Variants in DOK6 observed in about 807,000 individuals in gnomAD.
The protein encoded by DOK6 is docking protein 6.
A neutral mutation model predicts 44.0 loss-of-function variants in DOK6; 22 were observed. That is an observed-to-expected ratio of 0.50 (90% CI 0.36 to 0.71). The LOEUF (loss-of-function observed/expected upper bound fraction) is 0.71. Among genes scored for constraint, DOK6 ranks in the 30% least tolerant of loss-of-function variants. The pLI is 0.00. For missense variants in DOK6, 340 were observed against 416.4 expected (o/e 0.82, Z 1.60); for synonymous variants, 166 against 145.5 (o/e 1.14, Z -1.01).
At chr18:69,749,662 C>T (rs779003671) in intron 6 of DOK6, among the ~76,000 whole-genome samples, 30 of 151,962 alleles carry the variant, frequency 2.0e-4, no homozygotes, top group African/African-American at 5.6e-4. Context: ...ATGAGTTGGC[C>T]GGGTGCAGTG....
At chr18:69,474,088 A>C (rs1980192953) in intron 1 of DOK6, among the ~76,000 whole-genome samples, 2 of 152,186 alleles carry the variant, frequency 1.3e-5, no homozygotes, top group Admixed American at 1.3e-4. Flanking sequence ...ATGAAAATAC[A>C]TTGCAAAATA....
chr18:69,604,032 G>A (rs1403059466), intron 3 of DOK6, among the ~76,000 whole-genome samples: 1 of 152,050 alleles, frequency 6.6e-6, no homozygotes, highest in Non-Finnish European at 1.5e-5. Context: ...CATTGAAAAT[G>A]ACAAGTAGTG....
intron 1 of DOK6, among the ~76,000 whole-genome samples, chr18:69,543,832 CATT>C (rs1477297156): frequency 6.6e-6 from 1 of 151,272 alleles, no homozygotes; most frequent in African/African-American, 2.4e-5. Flanking sequence ...TAAGGGAAAA[CATT>C]ATAAAGCATG....
At chr18:69,496,448 C>T (rs1980892794) in intron 1 of DOK6, among the ~76,000 whole-genome samples, 2 of 152,262 alleles carry the variant, frequency 1.3e-5, no homozygotes, top group Admixed American at 1.3e-4. Flanking sequence ...GATGTGATGG[C>T]AGCCGTGGCT....
chr18:69,785,503 GA>G (rs532348977), intron 7 of DOK6, among the ~76,000 whole-genome samples: 2 of 152,238 alleles, frequency 1.3e-5, no homozygotes, highest in South Asian at 4.1e-4. Flanking sequence ...ATATTAACAT[GA>G]AAAATATCGA....
At chr18:69,498,115 A>G (rs1000863383) in intron 1 of DOK6, among the ~76,000 whole-genome samples, 8 of 152,178 alleles carry the variant, frequency 5.3e-5, no homozygotes, top group Non-Finnish European at 1.2e-4. Flanking sequence ...TAAAGAAAGA[A>G]TGTTAATCTT....
chr18:69,584,467 T>G (rs1276477883), intron 2 of DOK6, among the ~76,000 whole-genome samples: 1 of 152,064 alleles, frequency 6.6e-6, no homozygotes, highest in Non-Finnish European at 1.5e-5. Context: ...ACTTTTGTAT[T>G]TTTCAATAGT....
chr18:69,603,116 A>T (rs769968951), intron 3 of DOK6, among the ~76,000 whole-genome samples: 2 of 152,218 alleles, frequency 1.3e-5, no homozygotes, highest in Non-Finnish European at 2.9e-5. Context: ...AGCCTACCAC[A>T]TGTTCTTTTA....
chr18:69,838,905 C>G (rs1045784758), intron 7 of DOK6, among the ~76,000 whole-genome samples: 1 of 150,940 alleles, frequency 6.6e-6, no homozygotes, highest in African/African-American at 2.4e-5. Flanking sequence ...TCCCTAGCCC[C>G]TCCATTAGCT....
chr18:69,784,969 C>A (rs552762818), intron 7 of DOK6, among the ~76,000 whole-genome samples: 3 of 152,144 alleles, frequency 2.0e-5, no homozygotes, highest in Non-Finnish European at 4.4e-5. Flanking sequence ...ATAAACACTA[C>A]GGCAACACTT....
chr18:69,435,905 T>G (rs1008816261), intron 1 of DOK6, among the ~76,000 whole-genome samples: 6 of 152,202 alleles, frequency 3.9e-5, no homozygotes, highest in Admixed American at 3.3e-4. Flanking sequence ...AAAGATACTA[T>G]TTAATATAAT....
chr18:69,427,998 G>A (rs892258046), intron 1 of DOK6, among the ~76,000 whole-genome samples: 4 of 151,914 alleles, frequency 2.6e-5, no homozygotes, highest in Non-Finnish European at 5.9e-5. Context: ...GGCTGGTCTC[G>A]AACTCCTGTC....
chr18:69,501,198 G>A (rs1353726653), intron 1 of DOK6, among the ~76,000 whole-genome samples: 2 of 151,992 alleles, frequency 1.3e-5, no homozygotes, highest in African/African-American at 2.4e-5. Context: ...CTTATTTTAT[G>A]GTAGAGTTTT....
At chr18:69,622,285 T>G (rs1984460483) in intron 3 of DOK6, among the ~76,000 whole-genome samples, 1 of 152,204 alleles carries the variant, frequency 6.6e-6, no homozygotes, top group South Asian at 2.1e-4. Context: ...TATATGTAAG[T>G]TCACAGTTTG....
chr18:69,822,179 G>C (rs532375928), intron 7 of DOK6, among the ~76,000 whole-genome samples: 28 of 152,248 alleles, frequency 1.8e-4, no homozygotes, highest in African/African-American at 6.7e-4. Context: ...TGAATAATGG[G>C]TAAATGTCAG....
At chr18:69,417,632 C>G (rs1193148116) in intron 1 of DOK6, among the ~76,000 whole-genome samples, 2 of 152,002 alleles carry the variant, frequency 1.3e-5, no homozygotes, top group Non-Finnish European at 2.9e-5. Flanking sequence ...TTTTGAAGAA[C>G]CTCCATACTG....
intron 7 of DOK6, among the ~76,000 whole-genome samples, chr18:69,820,989 T>C (rs1981551601): frequency 6.6e-6 from 1 of 151,806 alleles, no homozygotes; most frequent in Non-Finnish European, 1.5e-5. Flanking sequence ...ACAACAAAAC[T>C]CCCCATGACA....
intron 1 of DOK6, among the ~76,000 whole-genome samples, chr18:69,412,829 T>C (rs1249187176): frequency 6.6e-6 from 1 of 152,104 alleles, no homozygotes. Flanking sequence ...TTATCTCCCT[T>C]GCAGCTAGAG....
rs573559636 is a variant in DOK6, at chr18:69,829,335, CA to C, written c.857-11904del. Among the ~76,000 whole-genome samples the C allele has an allele frequency of 1.6e-4, 24 of 151,688 alleles. No homozygotes were observed. The East Asian group carries it at 4.6e-3, about 29-fold the overall frequency. ...AAGTTTCTAAAAATTCTAAACCAGA[CA>C]AAAACTAACACTATTGTTATCTAAT... On this transcript the variant is annotated intron_variant, in intron 7 of 7. Transcript: ENST00000382713.
Sources: gnomAD v4.1 joint callset for allele counts (sites outside exome capture counted in the v4.1 genomes callset) on GRCh38, gnomAD v4.1.1 for gene constraint, MANE v1.5 for transcripts, NCBI Gene and HGNC (gene_info 2026-07-23, HGNC 2026-07-21) for gene names.